Variants in NRXN1 observed in about 807,000 individuals in gnomAD.
NRXN1 encodes neurexin-1.
In NRXN1, 39 loss-of-function variants were observed where a neutral mutation model predicts 150.9. That is an observed-to-expected ratio of 0.26 (90% CI 0.20 to 0.34). The LOEUF is 0.34. Among genes scored for constraint, NRXN1 ranks in the 10% least tolerant of loss-of-function variants. The pLI, the probability that NRXN1 is intolerant of heterozygous loss-of-function variation, is 1.00. For missense variants in NRXN1, 1,815 were observed against 1,949.9 expected (o/e 0.93, Z 1.30); for synonymous variants, 924 against 757.0 (o/e 1.22, Z -3.62).
rs139214443 is a variant in NRXN1, at chr2:50,956,980, T to C, written c.773-31025A>G. Among the ~76,000 whole-genome samples the C allele has an allele frequency of 1.3e-3, 201 of 152,132 alleles. 2 individuals carry two copies. The highest frequency in any genetic ancestry group is 4.5e-3 in the African/African-American group (185 of 41,516). On this transcript the variant is annotated intron_variant, in intron 2 of 22. Coordinates refer to ENST00000401669, the MANE Select transcript of NRXN1 (RefSeq NM_001330078.2). ...GAGCTGACACTTTTACCACACACAA[T>C]AGTATCCATTAATATGAAGCAATAA...
intron 17 of NRXN1, among the ~76,000 whole-genome samples, chr2:50,304,864 G>A (rs191092418): frequency 6.6e-6 from 1 of 152,180 alleles, no homozygotes; most frequent in East Asian, 1.9e-4. Flanking sequence ...GGCCAAGGTG[G>A]GCGGATCAGA....
chr2:50,995,765 G>C (rs1014867722), intron 2 of NRXN1, among the ~76,000 whole-genome samples: 2 of 151,966 alleles, frequency 1.3e-5, no homozygotes, highest in African/African-American at 4.8e-5. Flanking sequence ...GACAAGTCTT[G>C]GCTTTACGCC....
chr2:50,043,749 G>A (rs964137786), intron 21 of NRXN1, among the ~76,000 whole-genome samples: 2 of 152,146 alleles, frequency 1.3e-5, no homozygotes, highest in Non-Finnish European at 2.9e-5. Context: ...TATGTTTAAG[G>A]AAGATCTTAT....
intron 5 of NRXN1, among the ~76,000 whole-genome samples, chr2:50,791,805 C>T (rs1468362916): frequency 6.6e-6 from 1 of 152,000 alleles, no homozygotes; most frequent in Non-Finnish European, 1.5e-5. Flanking sequence ...CCCTTCACAC[C>T]AAATTGCAGT....
At chr2:50,699,596 C>A (rs530537365) in intron 5 of NRXN1, among the ~76,000 whole-genome samples, 40 of 152,142 alleles carry the variant, frequency 2.6e-4, no homozygotes, top group African/African-American at 9.4e-4. Flanking sequence ...AAAATCCAGG[C>A]CCCCTGCTGA....
At chr2:50,326,113 T>G (rs1465998917) in intron 17 of NRXN1, among the ~76,000 whole-genome samples, 1 of 152,196 alleles carries the variant, frequency 6.6e-6, no homozygotes, top group Non-Finnish European at 1.5e-5. Flanking sequence ...AAGACACGAT[T>G]TTGTTTTTTT....
rs534137693 is a variant in NRXN1 at position 50,716,645 on chromosome 2, A to G, written c.833-93030T>C. On this transcript the variant is annotated intron_variant, in intron 5 of 22. Coordinates refer to ENST00000401669, the MANE Select transcript of NRXN1 (RefSeq NM_001330078.2). ...TACCTAAATTATCATATCTACTTCC[A>G]TCTACATATAAATATACATCTCAAT... 6.6e-5 allele frequency among the ~76,000 whole-genome samples: 10 copies of G among 152,258 alleles called. No individual in the cohort carries two copies. The South Asian group carries it at 2.1e-3, about 32-fold the overall frequency.
intron 5 of NRXN1, among the ~76,000 whole-genome samples, chr2:50,872,393 T>C (rs939908790): frequency 3.3e-5 from 5 of 151,670 alleles, no homozygotes; most frequent in African/African-American, 1.2e-4. Context: ...TGTGGAGTAC[T>C]TGCAGGAGCT....
At position 50,253,867 on chromosome 2, in the gene NRXN1, A is replaced by G. The variant is rs557412526; in HGVS notation, c.3365-16897T>C. Among the ~76,000 whole-genome samples, 7 of 106,096 alleles carry G rather than the reference A, an allele frequency of 6.6e-5. 1 individual carries two copies. In the South Asian group the frequency reaches 1.4e-3, roughly 21 times the overall value. 69.6% of individuals were successfully genotyped at this position (106,096 alleles called of 152,430 possible). A position where few individuals can be genotyped will look rare whatever the true frequency, so the allele number is the denominator to read the frequency against. On this transcript the variant is annotated intron_variant, in intron 17 of 22. Coordinates refer to ENST00000401669, the MANE Select transcript of NRXN1 (RefSeq NM_001330078.2). ...GTGTTCATCCAGGATATTGACCTGA[A>G]GTTTTCTTTTTTTTTGTTGTATCTC... is the stretch of plus-strand genomic sequence containing the variant.
intron 5 of NRXN1, among the ~76,000 whole-genome samples, chr2:50,871,183 CTCAG>C (rs1190266904): frequency 2.6e-5 from 4 of 151,776 alleles, no homozygotes; most frequent in African/African-American, 9.7e-5. Flanking sequence ...GAAGTTTTTG[CTCAG>C]TTTATTTTCA....
At chr2:50,381,279 A>G (rs1004291542) in intron 17 of NRXN1, among the ~76,000 whole-genome samples, 1 of 152,086 alleles carries the variant, frequency 6.6e-6, no homozygotes, top group Non-Finnish European at 1.5e-5. Flanking sequence ...GTTAATTCAT[A>G]AATGAAGTAG....
At chr2:50,392,279 T>C (rs1160464609) in intron 17 of NRXN1, among the ~76,000 whole-genome samples, 2 of 152,174 alleles carry the variant, frequency 1.3e-5, no homozygotes, top group Non-Finnish European at 2.9e-5. Context: ...TCTTACTGCC[T>C]TTCTAATTCC....
At chr2:50,039,344 T>C (rs925826776) in intron 21 of NRXN1, among the ~76,000 whole-genome samples, 1 of 152,164 alleles carries the variant, frequency 6.6e-6, no homozygotes, top group Non-Finnish European at 1.5e-5. Flanking sequence ...TGCACGCCTA[T>C]GGTCCCAGCT....
intron 2 of NRXN1, among the ~76,000 whole-genome samples, chr2:50,953,558 T>A (rs1286891583): frequency 6.8e-6 from 1 of 146,338 alleles, no homozygotes; most frequent in Non-Finnish European, 1.5e-5. Flanking sequence ...AAGTGACAAT[T>A]TTTTTTTTTT....
At chr2:50,716,149 G>A (rs1294183621) in intron 5 of NRXN1, among the ~76,000 whole-genome samples, 2 of 152,106 alleles carry the variant, frequency 1.3e-5, no homozygotes, top group Admixed American at 6.6e-5. Context: ...CATGCAACAG[G>A]AAGATGTTTT....
chr2:51,030,763 T>A (rs1159100541), intron 1 of NRXN1, among the ~76,000 whole-genome samples: 1 of 152,208 alleles, frequency 6.6e-6, no homozygotes, highest in African/African-American at 2.4e-5. Context: ...TATACTTTCA[T>A]ATTTTAAGTG....
At chr2:51,007,951 C>T (rs1667280506) in intron 2 of NRXN1, among the ~76,000 whole-genome samples, 1 of 151,714 alleles carries the variant, frequency 6.6e-6, no homozygotes, top group Non-Finnish European at 1.5e-5. Context: ...TAATCTTGCA[C>T]AGAATAGAAG....
At position 50,346,636 on chromosome 2, in the gene NRXN1, G is replaced by A; in HGVS notation, c.3365-109666C>T. The A allele has an allele frequency of 6.3e-7, 1 of 1,580,010 alleles. No individual in the cohort carries two copies. Among genetic ancestry groups the A allele is most frequent in the Non-Finnish European group, 8.7e-7 (1 of 1,150,452 alleles). On this transcript the variant is annotated intron_variant, in intron 17 of 22. Coordinates refer to ENST00000401669, the MANE Select transcript of NRXN1 (RefSeq NM_001330078.2). This position sits in a 1 kb window ranked among gnomAD's most constrained non-coding sequence, Gnocchi z 5.0. ...TTAGGAGCCCAGGAGCGAGTGCAGG[G>A]TAGAAAGAGGGGAGCGAGGGGATAA...
At chr2:50,980,494 C>A (rs1696615756) in intron 2 of NRXN1, among the ~76,000 whole-genome samples, 1 of 151,944 alleles carries the variant, frequency 6.6e-6, no homozygotes, top group African/African-American at 2.4e-5. Flanking sequence ...GAACATTTTT[C>A]TTTGCTTTTC....
Sources: allele counts gnomAD v4.1 joint callset (sites outside exome capture counted in the v4.1 genomes callset), GRCh38; gene constraint gnomAD v4.1.1; non-coding constraint Gnocchi (gnomAD v3.1); transcripts MANE v1.5; gene names NCBI Gene and HGNC (gene_info 2026-07-23, HGNC 2026-07-21).